The following RAB27B variants were observed in gnomAD, a reference collection of about 807,000 sequenced individuals.
RAB27B encodes the protein RAB27B, member RAS oncogene family.
A neutral mutation model predicts 24.6 loss-of-function variants in RAB27B; 15 were observed. The ratio of observed to expected loss-of-function variants is 0.61; its 90% CI spans 0.41 to 0.94. The LOEUF (loss-of-function observed/expected upper bound fraction) is 0.94. Among genes scored for constraint, RAB27B ranks in the 40% least tolerant of loss-of-function variants. The probability of loss-of-function intolerance (pLI) is 0.00; values close to 1 mark genes in which losing one functional copy is unlikely to be tolerated. For synonymous variants in RAB27B, 105 were observed against 92.5 expected (o/e 1.14, Z -0.78); for missense variants, 261 against 266.8 (o/e 0.98, Z 0.15).
intron 2 of RAB27B, among the ~76,000 whole-genome samples, chr18:54,791,214 A>G (rs1432777707): frequency 6.6e-6 from 1 of 152,112 alleles, no homozygotes; most frequent in Admixed American, 6.6e-5. Context: ...AAGAAAAAAG[A>G]AAGAAGAAGA....
At position 54,775,180 on chromosome 18, in the gene RAB27B, G is replaced by T. The variant is rs114052122; in HGVS notation, c.-20+57039G>T. 3.2e-3 allele frequency among the ~76,000 whole-genome samples: 484 copies of T among 152,234 alleles called. 3 individuals carry two copies. The highest frequency in any genetic ancestry group is 0.011 in the African/African-American group (455 of 41,536). On this transcript the variant is annotated intron_variant, in intron 2 of 4. Coordinates refer to the RAB27B transcript ENST00000586570. ...TCTTTGGCGTGGCATCTTCCTAGAGGCCATGACCACAGCATCAACATAAAA... is the reference window on the plus strand; with the variant it reads ...TCTTTGGCGTGGCATCTTCCTAGAGTCCATGACCACAGCATCAACATAAAA...
chr18:54,843,043 G>A (rs565937793), intron 1 of RAB27B, among the ~76,000 whole-genome samples: 3 of 152,044 alleles, frequency 2.0e-5, no homozygotes, highest in Non-Finnish European at 4.4e-5. Flanking sequence ...TGATCCACCC[G>A]CCTCAGGCTC....
chr18:54,887,928 T>A, intron 4 of RAB27B, 67 bp from the exon 5 acceptor site: 1 of 1,548,382 alleles, frequency 6.5e-7, no homozygotes, highest in Non-Finnish European at 8.8e-7. Context: ...GAATCTGGAA[T>A]AAGAGCAGTC....
At chr18:54,866,629 A>G (rs1054305384) in intron 1 of RAB27B, among the ~76,000 whole-genome samples, 1 of 152,218 alleles carries the variant, frequency 6.6e-6, no homozygotes, top group Middle Eastern at 3.2e-3. Flanking sequence ...AGACAGCCAG[A>G]TGCCTAGTTG....
At chr18:54,845,898 T>C (rs1364288515) in intron 1 of RAB27B, among the ~76,000 whole-genome samples, 1 of 152,170 alleles carries the variant, frequency 6.6e-6, no homozygotes, top group Non-Finnish European at 1.5e-5. Flanking sequence ...CCATGGTGCT[T>C]TTGTAGTCAT....
chr18:54,729,145 G>A (rs9953575), intron 2 of RAB27B, among the ~76,000 whole-genome samples: 9,698 of 151,916 alleles, frequency 0.064, 398 homozygotes, highest in African/African-American at 0.092. Flanking sequence ...GACAGTCTAC[G>A]GGTACTTATT....
intron 1 of RAB27B, among the ~76,000 whole-genome samples, chr18:54,875,103 G>T (rs1346227290): frequency 6.6e-6 from 1 of 152,100 alleles, no homozygotes; most frequent in Non-Finnish European, 1.5e-5. Flanking sequence ...TGGGTGGATT[G>T]CTTGAGCCCA....
chr18:54,853,901 T>C (rs1337824343), intron 1 of RAB27B, among the ~76,000 whole-genome samples: 1 of 152,206 alleles, frequency 6.6e-6, no homozygotes, highest in East Asian at 1.9e-4. Flanking sequence ...TTTTTTTGTG[T>C]AGCTTTTTGC....
intron 4 of RAB27B, 93 bp downstream of exon 4, chr18:54,884,529 C>G (rs913244509): frequency 1.3e-6 from 1 of 771,930 alleles, no homozygotes. Flanking sequence ...GATTGGGTAC[C>G]ACAGATTAAC....
intron 1 of RAB27B, among the ~76,000 whole-genome samples, chr18:54,843,969 C>A (rs1018108114): frequency 1.1e-4 from 17 of 152,082 alleles, no homozygotes; most frequent in African/African-American, 3.9e-4. Flanking sequence ...AGGATAAGAA[C>A]CACAGAACTA....
rs1356060051 is a variant in RAB27B at position 54,877,646 on chromosome 18, G to A, written c.61G>A (p.Gly21Arg). 1 of 1,596,444 alleles carries A rather than the reference G, an allele frequency of 6.3e-7. No individual in the cohort carries two copies. The highest frequency in any genetic ancestry group is 8.5e-7 in the Non-Finnish European group (1 of 1,174,588). Residue 21 changes from glycine (G) to arginine (R), a missense_variant, in exon 2 of 6, where the codon GGG becomes AGG. Coordinates refer to ENST00000262094, the MANE Select transcript of RAB27B (RefSeq NM_004163.4). ...KLLALGDSGV[G>R]KTTFLYRYTD... is the part of the protein sequence containing the mutation. ...CCTGGCCCTCGGGGATTCAGGGGTG[G>A]GGAAGACAACATTTCTTTATAGATA...
rs1382037090 is a variant in RAB27B at position 54,891,539 on chromosome 18, AC to A, written c.*2127del. ...CCACTGCTGTGGCAAATTTTGGTGA[AC>A]TTTTGGGGTCATTATATCAATTTTT... On this transcript the variant is annotated 3_prime_UTR_variant, in exon 6 of 6. Transcript: ENST00000262094. The A allele has an allele frequency of 6.6e-6, 1 of 152,068 alleles. No individual in the cohort carries two copies. Among genetic ancestry groups the A allele is most frequent in the Non-Finnish European group, 1.5e-5 (1 of 68,002 alleles). The allele number at this position is 152,068 out of a possible 1,614,324, so 9.4% of individuals were successfully genotyped here. A position where few individuals can be genotyped will look rare whatever the true frequency, so the allele number is the denominator to read the frequency against.
At position 54,890,269 on chromosome 18, in the gene RAB27B, A is replaced by C. The variant is rs1216555571; in HGVS notation, c.*856A>C. 2.0e-5 allele frequency: 3 copies of C among 152,150 alleles called. No individual in the cohort carries two copies. The highest frequency in any genetic ancestry group is 7.2e-5 in the African/African-American group (3 of 41,450). The allele number at this position is 152,150 out of a possible 1,614,324, so 9.4% of individuals were successfully genotyped here. On this transcript the variant is annotated 3_prime_UTR_variant, in exon 6 of 6. Transcript: ENST00000262094. ...GAGAACTCCAGAGGTTTCCATTTCA[A>C]ACAAAATTTTAGAAATTGGTTTGGT...
At chr18:54,762,913 T>G (rs1908237995) in intron 2 of RAB27B, among the ~76,000 whole-genome samples, 1 of 152,068 alleles carries the variant, frequency 6.6e-6, no homozygotes, top group South Asian at 2.1e-4. Context: ...ACCTGGGGGG[T>G]TCAGTGTGTG....
intron 2 of RAB27B, among the ~76,000 whole-genome samples, chr18:54,724,456 G>T (rs1240818197): frequency 6.6e-6 from 1 of 151,466 alleles, no homozygotes; most frequent in Non-Finnish European, 1.5e-5. Flanking sequence ...GGGTGCCGTG[G>T]CTCATGCCTG....
intron 2 of RAB27B, among the ~76,000 whole-genome samples, chr18:54,777,776 TA>T (rs986533907): frequency 2.6e-5 from 4 of 152,218 alleles, no homozygotes; most frequent in African/African-American, 7.2e-5. Flanking sequence ...TATGCTGTAA[TA>T]AAAAACAAGT....
intron 2 of RAB27B, among the ~76,000 whole-genome samples, chr18:54,775,823 C>T (rs1051645371): frequency 1.3e-5 from 2 of 152,206 alleles, no homozygotes; most frequent in African/African-American, 2.4e-5. Context: ...TGCCAATGCA[C>T]CGGTCACTCA....
chr18:54,810,119 T>C (rs1340715663), intron 2 of RAB27B, among the ~76,000 whole-genome samples: 1 of 152,168 alleles, frequency 6.6e-6, no homozygotes, highest in Non-Finnish European at 1.5e-5. Context: ...AATGTACCCA[T>C]ACTGAGTGAG....
At chr18:54,839,981 C>T (rs1368690861) in intron 1 of RAB27B, among the ~76,000 whole-genome samples, 7 of 152,056 alleles carry the variant, frequency 4.6e-5, no homozygotes, top group Non-Finnish European at 1.0e-4. Context: ...ACAAAAGATG[C>T]TTTTTTGCAG....
Sources: gnomAD v4.1 joint callset for allele counts (sites outside exome capture counted in the v4.1 genomes callset) on GRCh38, gnomAD v4.1.1 for gene constraint, MANE v1.5 for transcripts, NCBI Gene and HGNC (gene_info 2026-07-23, HGNC 2026-07-21) for gene names.